Variants in NTSR1 observed in about 807,000 individuals in gnomAD.
The protein encoded by NTSR1 is neurotensin receptor type 1.
NTSR1 carries 29 observed loss-of-function variants against 31.2 expected under a neutral mutation model. The ratio of observed to expected loss-of-function variants is 0.93; its 90% CI spans 0.69 to 1.27. The LOEUF is 1.27. Ranked by LOEUF, NTSR1 falls within the 50% of genes most tolerant of loss-of-function variation. The probability of loss-of-function intolerance (pLI) is 0.00; values close to 1 mark genes in which losing one functional copy is unlikely to be tolerated. For synonymous variants in NTSR1, 282 were observed against 269.9 expected (o/e 1.04, Z -0.44); for missense variants, 697 against 595.4 (o/e 1.17, Z -1.78).
intron 1 of NTSR1, among the ~76,000 whole-genome samples, chr20:62,752,727 C>T (rs1033556863): frequency 2.0e-5 from 3 of 152,266 alleles, no homozygotes; most frequent in South Asian, 2.1e-4. Context: ...CCCCGGGCTG[C>T]GGTGACTCAC....
rs751244883 is a variant in NTSR1, at chr20:62,760,114, T to C, written c.1104T>C (p.Ser368=). 1.2e-5 allele frequency: 19 copies of C among 1,614,070 alleles called. No individual in the cohort carries two copies. The highest frequency in any genetic ancestry group is 6.7e-5 in the Admixed American group (4 of 59,996). The change falls in exon 4 of 4, where the codon TCT becomes TCC. Residue 368 remains serine (S), a synonymous_variant. Coordinates refer to ENST00000370501, the MANE Select transcript of NTSR1 (RefSeq NM_002531.3). ...TINPILYNLV[S]ANFRHIFLAT... ...ACCCCATCCTGTACAACCTCGTCTCTGCCAACTTCCGCCACATCTTCCTGG... is the reference window on the plus strand; with the variant it reads ...ACCCCATCCTGTACAACCTCGTCTCCGCCAACTTCCGCCACATCTTCCTGG...
Position 62,743,918 on chromosome 20 carries a change from G to A in NTSR1, c.715-10767G>A, listed in dbSNP as rs182441484. 2.0e-5 allele frequency among the ~76,000 whole-genome samples: 3 copies of A among 152,224 alleles called. No homozygotes were observed. Among genetic ancestry groups the A allele is most frequent in the Admixed American group, 1.3e-4 (2 of 15,286 alleles). On this transcript the variant is annotated intron_variant, in intron 1 of 3. Transcript: ENST00000370501. The surrounding 1 kb of genome is among the most constrained non-coding windows in gnomAD (Gnocchi z 7.5). Reference sequence around the variant, plus strand: ...GCCCTCACCTGTGGGCAGGCATACCGTGTGCACCCCTCCCGCTCCCCACCT... The same window carrying A: ...GCCCTCACCTGTGGGCAGGCATACCATGTGCACCCCTCCCGCTCCCCACCT...
At chr20:62,734,234 G>A (rs1003339894) in intron 1 of NTSR1, among the ~76,000 whole-genome samples, 6 of 152,006 alleles carry the variant, frequency 3.9e-5, no homozygotes, top group Admixed American at 6.6e-5. Context: ...AGGGGCGGGC[G>A]GAGGCAGCGA....
At chr20:62,720,840 C>A (rs1410914191) in intron 1 of NTSR1, among the ~76,000 whole-genome samples, 1 of 152,104 alleles carries the variant, frequency 6.6e-6, no homozygotes, top group African/African-American at 2.4e-5. Context: ...ACATTGTATT[C>A]TAATTTAGAT....
At position 62,726,463 on chromosome 20, in the gene NTSR1, C is replaced by T. The variant is rs565963047; in HGVS notation, c.714+16542C>T. 1.5e-3 allele frequency among the ~76,000 whole-genome samples: 227 copies of T among 152,308 alleles called. 1 individual carries two copies. Among genetic ancestry groups the T allele is most frequent in the African/African-American group, 5.0e-3 (208 of 41,572 alleles). Reference sequence around the variant, plus strand: ...AACCCAAGAGGCACCAGCAGGACCTCGCTTAGCACGGCATCCCCACTGCCT... The same window carrying T: ...AACCCAAGAGGCACCAGCAGGACCTTGCTTAGCACGGCATCCCCACTGCCT... On this transcript the variant is annotated intron_variant, in intron 1 of 3. Transcript: ENST00000370501.
Position 62,709,160 on chromosome 20 carries a change from T to A in NTSR1, c.-48T>A. Reference sequence around the variant, plus strand: ...GAGACGCGCCCACTCCTGCCCGGACTTCCAGCCCCGGAGGCGCCGGACAGA... The same window carrying A: ...GAGACGCGCCCACTCCTGCCCGGACATCCAGCCCCGGAGGCGCCGGACAGA... On this transcript the variant is annotated 5_prime_UTR_variant, in exon 1 of 4. Transcript: ENST00000370501. The A allele has an allele frequency of 7.4e-7, 1 of 1,350,668 alleles. No homozygotes were observed. The highest frequency in any genetic ancestry group is 1.7e-5 in the South Asian group (1 of 59,514). 83.7% of individuals were successfully genotyped at this position (1,350,668 alleles called of 1,614,324 possible). A position where few individuals can be genotyped will look rare whatever the true frequency, so the allele number is the denominator to read the frequency against.
At chr20:62,757,887 G>A (rs1041751530) in intron 2 of NTSR1, among the ~76,000 whole-genome samples, 1 of 151,916 alleles carries the variant, frequency 6.6e-6, no homozygotes, top group African/African-American at 2.4e-5. Flanking sequence ...CTCTGAGCTT[G>A]TGTCTGGTCT....
intron 1 of NTSR1, among the ~76,000 whole-genome samples, chr20:62,722,216 C>T (rs1364803065): frequency 1.3e-5 from 2 of 152,138 alleles, no homozygotes; most frequent in African/African-American, 4.8e-5. Context: ...GTTGAGTAAA[C>T]AACTACGGAA....
At chr20:62,719,161 G>C (rs1184305291) in intron 1 of NTSR1, among the ~76,000 whole-genome samples, 1 of 140,542 alleles carries the variant, frequency 7.1e-6, no homozygotes, top group Non-Finnish European at 1.5e-5. Context: ...TTAAGTTTTT[G>C]TTAGAGCTCT....
chr20:62,750,690 C>CAAAAAAAAAAAAA (rs59850535), intron 1 of NTSR1, among the ~76,000 whole-genome samples: 1 of 55,154 alleles, frequency 1.8e-5, no homozygotes, highest in Non-Finnish European at 4.3e-5. Flanking sequence ...GACTCCGTCT[C>CAAAAAAAAAAAAA]AAAAAAAAAA....
At chr20:62,727,128 A>G (rs1988920908) in intron 1 of NTSR1, among the ~76,000 whole-genome samples, 1 of 152,114 alleles carries the variant, frequency 6.6e-6, no homozygotes, top group Admixed American at 6.5e-5. Flanking sequence ...TCCGCCTGGG[A>G]AGCGGGTTGC....
chr20:62,719,081 G>A (rs111352373), intron 1 of NTSR1, among the ~76,000 whole-genome samples: 1 of 149,908 alleles, frequency 6.7e-6, no homozygotes, highest in Non-Finnish European at 1.5e-5. Context: ...AGTGATGAGA[G>A]TAGACATCCT....
At chr20:62,722,180 C>T (rs1253145154) in intron 1 of NTSR1, among the ~76,000 whole-genome samples, 1 of 152,190 alleles carries the variant, frequency 6.6e-6, no homozygotes. Context: ...TCATCTTGAA[C>T]TTGGGTCGGC....
chr20:62,738,285 G>GC (rs1302805157), intron 1 of NTSR1, among the ~76,000 whole-genome samples: 2 of 152,224 alleles, frequency 1.3e-5, no homozygotes, highest in Non-Finnish European at 2.9e-5. Context: ...GACAGACAAG[G>GC]CAGGTGCAGC....
intron 1 of NTSR1, among the ~76,000 whole-genome samples, chr20:62,737,133 C>T (rs551851724): frequency 6.6e-6 from 1 of 152,322 alleles, no homozygotes; most frequent in South Asian, 2.1e-4. Flanking sequence ...TGGCCTGGGC[C>T]CAGTCTTTCC....
chr20:62,735,684 T>C (rs1227358840), intron 1 of NTSR1, among the ~76,000 whole-genome samples: 1 of 152,150 alleles, frequency 6.6e-6, no homozygotes, highest in Non-Finnish European at 1.5e-5. Flanking sequence ...CTCCCTGGCT[T>C]GGGGGGTGGG....
At chr20:62,724,016 G>A (rs553175619) in intron 1 of NTSR1, among the ~76,000 whole-genome samples, 1 of 152,232 alleles carries the variant, frequency 6.6e-6, no homozygotes, top group South Asian at 2.1e-4. Flanking sequence ...CTGCCCAGTG[G>A]CTTCAACCAG....
At chr20:62,728,927 G>A (rs1050271889) in intron 1 of NTSR1, among the ~76,000 whole-genome samples, 4 of 152,170 alleles carry the variant, frequency 2.6e-5, no homozygotes, top group Non-Finnish European at 5.9e-5. Flanking sequence ...GAAGGAAGCC[G>A]GAGATGCTGA....
intron 1 of NTSR1, among the ~76,000 whole-genome samples, chr20:62,753,487 A>G (rs781502692): frequency 6.6e-6 from 1 of 152,174 alleles, no homozygotes; most frequent in East Asian, 1.9e-4. Context: ...TTCTACCGCA[A>G]TCACAGCCAC....
Sources: allele counts gnomAD v4.1 joint callset (sites outside exome capture counted in the v4.1 genomes callset), GRCh38; gene constraint gnomAD v4.1.1; non-coding constraint Gnocchi (gnomAD v3.1); transcripts MANE v1.5; gene names NCBI Gene and HGNC (gene_info 2026-07-23, HGNC 2026-07-21).